Variants in PLCH1 observed in about 807,000 individuals in gnomAD.
The protein encoded by PLCH1 is phospholipase C eta 1.
PLCH1 carries 60 observed loss-of-function variants against 126.7 expected under a neutral mutation model. The ratio of observed to expected loss-of-function variants is 0.47; its 90% CI spans 0.38 to 0.59. The LOEUF (loss-of-function observed/expected upper bound fraction) is 0.59, where lower values mean the gene tolerates loss of function less well. PLCH1 is among the 20% of genes least tolerant of loss of function. The pLI is 0.00. For synonymous variants in PLCH1, 719 were observed against 734.9 expected (o/e 0.98, Z 0.35); for missense variants, 1,723 against 2,040.0 (o/e 0.84, Z 2.99).
At chr3:155,591,010 C>T (rs1732091502) in intron 4 of PLCH1, among the ~76,000 whole-genome samples, 1 of 152,110 alleles carries the variant, frequency 6.6e-6, no homozygotes, top group South Asian at 2.1e-4. Flanking sequence ...GAATACGGAT[C>T]CCATAGACTA....
intron 14 of PLCH1, among the ~76,000 whole-genome samples, chr3:155,499,166 A>G (rs147312828): frequency 5.5e-4 from 84 of 152,264 alleles, no homozygotes; most frequent in Middle Eastern, 3.4e-3. Context: ...AATGTCCAAC[A>G]ATGTTGAGCA....
At chr3:155,706,882 C>T (rs1266581097) in intron 1 of PLCH1, among the ~76,000 whole-genome samples, 2 of 152,076 alleles carry the variant, frequency 1.3e-5, no homozygotes, top group African/African-American at 4.8e-5. Context: ...GCTCACAGGC[C>T]CAGCTAGCCC....
chr3:155,470,380 A>C (rs1207183083), intron 21 of PLCH1, among the ~76,000 whole-genome samples: 2 of 152,212 alleles, frequency 1.3e-5, no homozygotes, highest in Non-Finnish European at 2.9e-5. Context: ...TAGAGAAAAA[A>C]GAATAAAAAG....
At chr3:155,641,595 A>T (rs1739406715) in intron 2 of PLCH1, among the ~76,000 whole-genome samples, 1 of 152,176 alleles carries the variant, frequency 6.6e-6, no homozygotes, top group African/African-American at 2.4e-5. Context: ...GTAGAATTGG[A>T]ATGTTCCTAA....
intron 1 of PLCH1, among the ~76,000 whole-genome samples, chr3:155,732,467 A>C (rs1207752295): frequency 6.6e-6 from 1 of 151,884 alleles, no homozygotes; most frequent in African/African-American, 2.4e-5. Context: ...CGGGTGGATC[A>C]CGAGGTCAGG....
intron 15 of PLCH1, among the ~76,000 whole-genome samples, chr3:155,495,840 T>A (rs555526937): frequency 1.3e-5 from 2 of 152,352 alleles, no homozygotes; most frequent in African/African-American, 4.8e-5. Flanking sequence ...AAGATACATG[T>A]TCATATATTT....
intron 10 of PLCH1, among the ~76,000 whole-genome samples, chr3:155,533,084 A>G (rs946416299): frequency 6.6e-6 from 1 of 152,242 alleles, no homozygotes; most frequent in African/African-American, 2.4e-5. Context: ...AACTGGAGCA[A>G]AGATCAGTCT....
chr3:155,654,026 A>C (rs1488178903), intron 2 of PLCH1, among the ~76,000 whole-genome samples: 2 of 143,956 alleles, frequency 1.4e-5, no homozygotes, highest in African/African-American at 5.2e-5. Flanking sequence ...TTTTGTCTCC[A>C]CCTCTCCACT....
chr3:155,612,737 C>T (rs542412609), intron 2 of PLCH1, among the ~76,000 whole-genome samples: 1 of 151,652 alleles, frequency 6.6e-6, no homozygotes, highest in African/African-American at 2.4e-5. Flanking sequence ...GGAGCAAACC[C>T]GTCTCTACTA....
chr3:155,486,278 C>T, intron 21 of PLCH1: 1 of 947,668 alleles, frequency 1.1e-6, no homozygotes, highest in Non-Finnish European at 1.6e-6. Context: ...CAAGTAAACA[C>T]AAAAGAAAAA....
chr3:155,663,748 C>T (rs1019387865), intron 2 of PLCH1, among the ~76,000 whole-genome samples: 3 of 152,106 alleles, frequency 2.0e-5, no homozygotes, highest in Non-Finnish European at 4.4e-5. Context: ...CCATGAACTT[C>T]CCCTCCAACA....
At position 155,481,896 on chromosome 3, in the gene PLCH1, G is replaced by A. The variant is rs767447147; in HGVS notation, c.4130C>T (p.Ala1377Val). Residue 1377 changes from alanine (A) to valine (V), a missense_variant, in exon 23 of 23, where the codon GCT becomes GTT. Around this residue, in one of 2 missense-constraint regions of PLCH1, gnomAD observed 947 missense variants for 977.1 expected, o/e 0.97. Transcript: ENST00000460012. The surrounding 1 kb of genome is among the most constrained non-coding windows in gnomAD (Gnocchi z 4.2). Reference protein sequence around the residue: ...EYRREGTSQLASPLKLKYNQG... With the variant: ...EYRREGTSQLVSPLKLKYNQG... ...ATTGTACTTGAGTTTTAAAGGAGAA[G>A]CAAGTTGACTTGTGCCCTCTCTCCT... 5 of 1,614,006 alleles carry A rather than the reference G, an allele frequency of 3.1e-6. No individual in the cohort carries two copies. Among genetic ancestry groups the A allele is most frequent in the East Asian group, 2.2e-5 (1 of 44,906 alleles).
intron 10 of PLCH1, among the ~76,000 whole-genome samples, chr3:155,528,336 T>C (rs114523976): frequency 6.6e-6 from 1 of 152,278 alleles, no homozygotes; most frequent in Non-Finnish European, 1.5e-5. Flanking sequence ...GTCCTATTGA[T>C]ATAGAAAGCT....
intron 6 of PLCH1, among the ~76,000 whole-genome samples, chr3:155,578,025 T>C (rs994123611): frequency 3.9e-5 from 6 of 152,174 alleles, no homozygotes; most frequent in African/African-American, 7.2e-5. Context: ...ACAATCATGA[T>C]TGATTCTCCA....
chr3:155,469,597 A>C (rs368285260), intron 21 of PLCH1, among the ~76,000 whole-genome samples: 84 of 150,708 alleles, frequency 5.6e-4, no homozygotes, highest in Admixed American at 2.7e-3. Flanking sequence ...GCCTGCCTGC[A>C]TCTGTAGGCT....
Position 155,664,353 on chromosome 3 carries a change from C to G in PLCH1, c.79+39793G>C, listed in dbSNP as rs149628187. Reference sequence around the variant, plus strand: ...GATTTCAACCCTTCGGTCAAGACTCCCTGAGCACCTGCTGTAACTCAGGTT... The same window carrying G: ...GATTTCAACCCTTCGGTCAAGACTCGCTGAGCACCTGCTGTAACTCAGGTT... On this transcript the variant is annotated intron_variant, in intron 2 of 22. Transcript: ENST00000460012. Among the ~76,000 whole-genome samples, 11 of 152,294 alleles carry G rather than the reference C, an allele frequency of 7.2e-5. No individual in the cohort carries two copies. In the East Asian group the frequency reaches 2.1e-3, roughly 29 times the overall value.
At position 155,483,000 on chromosome 3, in the gene PLCH1, T is replaced by G; in HGVS notation, c.3026A>C (p.His1009Pro). The G allele has an allele frequency of 6.2e-7, 1 of 1,613,960 alleles. No individual in the cohort carries two copies. Among genetic ancestry groups the G allele is most frequent in the Non-Finnish European group, 8.5e-7 (1 of 1,179,904 alleles). Reference sequence around the variant, plus strand: ...TAACTTTTTGTTGAAATTTAGAAAATGTGGATCTTTTATACTTGCTTTCCC... The same window carrying G: ...TAACTTTTTGTTGAAATTTAGAAAAGGTGGATCTTTTATACTTGCTTTCCC... Reference protein sequence around the residue: ...RKGKASIKDPHFLNFNKKLSS... With the variant: ...RKGKASIKDPPFLNFNKKLSS... Residue 1009 changes from histidine (H) to proline (P), a missense_variant, in exon 23 of 23, where the codon CAT becomes CCT. Physicochemically the swap from His to Pro is moderately conservative, Grantham distance 77 (BLOSUM62 -2). Around this residue, in one of 2 missense-constraint regions of PLCH1, gnomAD observed 947 missense variants for 977.1 expected, o/e 0.97. Transcript: ENST00000460012.
intron 21 of PLCH1, among the ~76,000 whole-genome samples, chr3:155,456,024 TG>T (rs548984609): frequency 2.6e-5 from 4 of 152,234 alleles, no homozygotes; most frequent in Non-Finnish European, 5.9e-5. Flanking sequence ...ACGCAGAATG[TG>T]GGCCAGTGTT....
chr3:155,594,207 A>G (rs766140112), intron 3 of PLCH1, 23 bp from the exon 4 acceptor site: 1 of 1,602,994 alleles, frequency 6.2e-7, no homozygotes, highest in Non-Finnish European at 8.5e-7. Context: ...TGAGATACAC[A>G]CAGTTATACA....
Sources: gnomAD v4.1 joint callset for allele counts (sites outside exome capture counted in the v4.1 genomes callset) on GRCh38, gnomAD v4.1.1 for gene constraint, gnomAD v4.1.1 regional missense constraint, Gnocchi (gnomAD v3.1) non-coding constraint, MANE v1.5 for transcripts, NCBI Gene and HGNC (gene_info 2026-07-23, HGNC 2026-07-21) for gene names.